The following STXBP6 variants were observed in gnomAD, a reference collection of about 807,000 sequenced individuals.
STXBP6 encodes syntaxin-binding protein 6.
Under a neutral mutation model 26.9 loss-of-function variants are expected in STXBP6, and 21 were observed. The ratio of observed to expected loss-of-function variants is 0.78; its 90% CI spans 0.55 to 1.12. The LOEUF (loss-of-function observed/expected upper bound fraction) is 1.12, where lower values mean the gene tolerates loss of function less well. Ranked by LOEUF, STXBP6 falls within the 50% of genes most tolerant of loss-of-function variation. The pLI is 0.00. For missense variants in STXBP6, 232 were observed against 257.9 expected (o/e 0.90, Z 0.69); for synonymous variants, 97 against 92.6 (o/e 1.05, Z -0.27).
At chr14:24,965,789 C>T (rs1391167672) in intron 2 of STXBP6, among the ~76,000 whole-genome samples, 1 of 152,164 alleles carries the variant, frequency 6.6e-6, no homozygotes, top group Non-Finnish European at 1.5e-5. Flanking sequence ...CAGGGAGCAA[C>T]AGGTGCCTCT....
At position 24,844,555 on chromosome 14, in the gene STXBP6, T is replaced by C. The variant is rs377498201; in HGVS notation, c.451+11381A>G. ...CTGGATTAAATTGTAGGGCACCCAA[T>C]TGATGCTCCAGAGAATTGGAGAGTT... On this transcript the variant is annotated intron_variant, in intron 4 of 5. Transcript: ENST00000323944. 7.2e-5 allele frequency among the ~76,000 whole-genome samples: 11 copies of C among 152,246 alleles called. 2 individuals are homozygous for C. Among genetic ancestry groups the C allele is most frequent in the Admixed American group, 3.9e-4 (6 of 15,288 alleles).
At chr14:24,905,467 T>A (rs2071355869) in intron 2 of STXBP6, among the ~76,000 whole-genome samples, 1 of 152,214 alleles carries the variant, frequency 6.6e-6, no homozygotes, top group Non-Finnish European at 1.5e-5. Flanking sequence ...TGCGCACTCT[T>A]CACCCTCAGA....
At chr14:24,874,628 G>C (rs1306260483) in intron 2 of STXBP6, among the ~76,000 whole-genome samples, 1 of 152,080 alleles carries the variant, frequency 6.6e-6, no homozygotes, top group Non-Finnish European at 1.5e-5. Context: ...ACAGGTAGAA[G>C]GTCATTTTAA....
chr14:25,011,476 G>A (rs1402897606), intron 1 of STXBP6, among the ~76,000 whole-genome samples: 1 of 152,156 alleles, frequency 6.6e-6, no homozygotes, highest in East Asian at 1.9e-4. Context: ...TTTCATACCT[G>A]GGAAATAAGA....
chr14:24,854,024 C>T (rs748859084), intron 4 of STXBP6, among the ~76,000 whole-genome samples: 22 of 152,158 alleles, frequency 1.4e-4, no homozygotes, highest in East Asian at 3.9e-4. Flanking sequence ...ATGTCCAATA[C>T]GTAGCACAGT....
Position 24,841,868 on chromosome 14 carries a change from T to TTG in STXBP6, c.451+14067_451+14068insCA, listed in dbSNP as rs1259053463. 2.6e-5 allele frequency among the ~76,000 whole-genome samples: 4 copies of TTG among 152,356 alleles called. No individual in the cohort carries two copies. The South Asian group carries it at 8.3e-4, about 32-fold the overall frequency. The stretch of plus-strand genomic sequence containing the variant: ...ACTTAAAGTCATTATTGGAGTTCAT[T>TTG]GTTACTTTCATTTCATTTGGGGTGA... On this transcript the variant is annotated intron_variant, in intron 4 of 5. Transcript: ENST00000323944.
intron 2 of STXBP6, among the ~76,000 whole-genome samples, chr14:24,880,166 T>C (rs898940062): frequency 6.6e-6 from 1 of 152,158 alleles, no homozygotes; most frequent in African/African-American, 2.4e-5. Context: ...TGGGAAAACA[T>C]TTTAAAAAGT....
At chr14:24,990,190 A>G (rs2074430309) in intron 1 of STXBP6, among the ~76,000 whole-genome samples, 1 of 152,184 alleles carries the variant, frequency 6.6e-6, no homozygotes, top group Non-Finnish European at 1.5e-5. Context: ...GGGAAGGGTC[A>G]TGCCTCAGAA....
chr14:24,828,027 A>G (rs1011860433), intron 4 of STXBP6, among the ~76,000 whole-genome samples: 2 of 149,440 alleles, frequency 1.3e-5, no homozygotes, highest in South Asian at 4.2e-4. Context: ...CATCAGCAGT[A>G]GCACTTTTTT....
chr14:24,922,390 A>C (rs1251621853), intron 2 of STXBP6, among the ~76,000 whole-genome samples: 1 of 152,066 alleles, frequency 6.6e-6, no homozygotes, highest in Non-Finnish European at 1.5e-5. Flanking sequence ...TGTTCTTAAC[A>C]CTGTAGCTGC....
intron 1 of STXBP6, among the ~76,000 whole-genome samples, chr14:25,013,233 A>G (rs951469357): frequency 2.6e-5 from 4 of 152,126 alleles, no homozygotes; most frequent in African/African-American, 9.7e-5. Flanking sequence ...TAGGGAGCCA[A>G]ATATTTTGAA....
intron 4 of STXBP6, among the ~76,000 whole-genome samples, chr14:24,843,749 C>T (rs2068855113): frequency 6.6e-6 from 1 of 152,076 alleles, no homozygotes; most frequent in African/African-American, 2.4e-5. Context: ...GACATCATAC[C>T]ACATCCTACC....
chr14:24,835,748 TAATATA>T (rs2068591985), intron 4 of STXBP6, among the ~76,000 whole-genome samples: 1 of 152,204 alleles, frequency 6.6e-6, no homozygotes, highest in Non-Finnish European at 1.5e-5. Context: ...ATTAAAATAT[TAATATA>T]AATATCCTAT....
intron 2 of STXBP6, among the ~76,000 whole-genome samples, chr14:24,878,312 C>G (rs998161458): frequency 2.6e-5 from 4 of 152,074 alleles, no homozygotes; most frequent in Admixed American, 6.5e-5. Context: ...ACCAAAGAAT[C>G]TGCCTTAAAA....
At chr14:24,946,431 G>A (rs1282958476) in intron 2 of STXBP6, among the ~76,000 whole-genome samples, 1 of 152,146 alleles carries the variant, frequency 6.6e-6, no homozygotes, top group Non-Finnish European at 1.5e-5. Context: ...GCAAGTGGTG[G>A]GGTAGAAAGG....
chr14:25,006,867 C>A (rs1261272483), intron 1 of STXBP6, among the ~76,000 whole-genome samples: 4 of 151,460 alleles, frequency 2.6e-5, no homozygotes, highest in Admixed American at 1.3e-4. Context: ...AAAAAAAAAG[C>A]ATATTTTACT....
intron 2 of STXBP6, among the ~76,000 whole-genome samples, chr14:24,895,846 A>G (rs2070972112): frequency 6.6e-6 from 1 of 152,192 alleles, no homozygotes; most frequent in Non-Finnish European, 1.5e-5. Context: ...CTCACCAGTA[A>G]CAGGCAAAAA....
At position 24,819,021 on chromosome 14, in the gene STXBP6, T is replaced by C. The variant is rs749594; in HGVS notation, c.609+16A>G. The C allele has an allele frequency of 0.19, 303,005 of 1,557,556 alleles. 36,131 individuals are homozygous for C. The highest frequency in any genetic ancestry group is 0.55 in the African/African-American group (40,624 of 73,352). ...AACACCCCAGAGCTGAGAAGCCTGC[T>C]CCTCTCTTGGCCCACCTTGTGCGCA... On this transcript the variant is annotated intron_variant, in intron 5 of 5. Transcript: ENST00000323944.
chr14:24,876,768 A>G (rs1287464507), intron 2 of STXBP6, among the ~76,000 whole-genome samples: 1 of 152,254 alleles, frequency 6.6e-6, no homozygotes, highest in African/African-American at 2.4e-5. Context: ...CTGCGAAGGC[A>G]CTTACTGGAT....
Sources: gnomAD v4.1 joint callset for allele counts (sites outside exome capture counted in the v4.1 genomes callset) on GRCh38, gnomAD v4.1.1 for gene constraint, MANE v1.5 for transcripts, NCBI Gene and HGNC (gene_info 2026-07-23, HGNC 2026-07-21) for gene names.